Variants in PRMT8 observed in about 807,000 individuals in gnomAD.
PRMT8 encodes protein arginine N-methyltransferase 8.
PRMT8 carries 7 observed loss-of-function variants against 47.1 expected under a neutral mutation model. The observed-to-expected ratio is 0.15, with a 90% confidence interval of 0.08 to 0.28. The LOEUF (loss-of-function observed/expected upper bound fraction) is 0.28. Ranked by LOEUF, PRMT8 falls within the 10% of genes least tolerant of loss-of-function variation. PRMT8 has a pLI of 1.00. For missense variants in PRMT8, 237 were observed against 505.4 expected (o/e 0.47, Z 5.09); for synonymous variants, 188 against 186.5 (o/e 1.01, Z -0.07).
chr12:3,442,474 T>C (rs1158078195), intron 1 of PRMT8, among the ~76,000 whole-genome samples: 1 of 152,172 alleles, frequency 6.6e-6, no homozygotes, highest in Admixed American at 6.5e-5. Flanking sequence ...TCCTGATCTG[T>C]CACCCCATGT....
At position 3,557,266 on chromosome 12, in the gene PRMT8, G is replaced by A. The variant is rs1866543701; in HGVS notation, c.481+3552G>A. On this transcript the variant is annotated intron_variant, in intron 4 of 9. Coordinates refer to ENST00000382622, the MANE Select transcript of PRMT8 (RefSeq NM_019854.5). The surrounding 1 kb of genome is among the most constrained non-coding windows in gnomAD (Gnocchi z 4.7). ...CAGGAGCTCGAGTGCGATTGGAGTA[G>A]AAGGTTGCCGGGATCAGGGCTTTGC... Among the ~76,000 whole-genome samples, 1 of 152,186 alleles carries A rather than the reference G, an allele frequency of 6.6e-6. No individual in the cohort carries two copies. Among genetic ancestry groups the A allele is most frequent in the African/African-American group, 2.4e-5 (1 of 41,444 alleles).
At chr12:3,410,728 C>G (rs1316651985) in intron 1 of PRMT8, among the ~76,000 whole-genome samples, 3 of 152,076 alleles carry the variant, frequency 2.0e-5, no homozygotes, top group African/African-American at 7.2e-5. Flanking sequence ...AGGCTGGTCT[C>G]GAACTCCTGA....
rs926279117 is a variant in PRMT8 at position 3,514,001 on chromosome 12, C to T, written c.75+22301C>T. Among the ~76,000 whole-genome samples, 3 of 152,136 alleles carry T rather than the reference C, an allele frequency of 2.0e-5. No individual in the cohort carries two copies. Among genetic ancestry groups the T allele is most frequent in the African/African-American group, 7.2e-5 (3 of 41,418 alleles). On this transcript the variant is annotated intron_variant, in intron 1 of 9. Coordinates refer to ENST00000382622, the MANE Select transcript of PRMT8 (RefSeq NM_019854.5). This position sits in a 1 kb window ranked among gnomAD's most constrained non-coding sequence, Gnocchi z 5.9. ...ACATCTTGGAATCCTTCTTGAGCCC[C>T]CGGATACTGAAGGATCAGGCAGATC...
intron 2 of PRMT8, among the ~76,000 whole-genome samples, chr12:3,547,582 A>G (rs1045826490): frequency 6.6e-6 from 1 of 152,208 alleles, no homozygotes; most frequent in Non-Finnish European, 1.5e-5. Flanking sequence ...ATTCAAGACC[A>G]TCCTGGGCAA....
chr12:3,401,792 C>T (rs181892346), intron 1 of PRMT8, among the ~76,000 whole-genome samples: 1 of 152,254 alleles, frequency 6.6e-6, no homozygotes, highest in Admixed American at 6.5e-5. Context: ...TGGACCTCTT[C>T]AAGGAGAACT....
chr12:3,592,357 G>A lies in PRMT8; in HGVS notation c.1101+5G>A. 1 of 1,602,674 alleles carries A rather than the reference G, an allele frequency of 6.2e-7. No homozygotes were observed. The highest frequency in any genetic ancestry group is 8.5e-7 in the Non-Finnish European group (1 of 1,175,166). Reference sequence around the variant, plus strand: ...AAGCCAAATGCCAAAAATGTGGTAAGTGCCGAGGGACATAAGGACATAAGG... The same window carrying A: ...AAGCCAAATGCCAAAAATGTGGTAAATGCCGAGGGACATAAGGACATAAGG... On this transcript the variant is annotated splice_donor_5th_base_variant and intron_variant, in intron 9 of 9. Coordinates refer to ENST00000382622, the MANE Select transcript of PRMT8 (RefSeq NM_019854.5).
chr12:3,451,305 A>T (rs1864916800), intron 1 of PRMT8, among the ~76,000 whole-genome samples: 1 of 152,088 alleles, frequency 6.6e-6, no homozygotes, highest in African/African-American at 2.4e-5. Context: ...TAGCCCAGAA[A>T]GCGGGAGTGA....
In PRMT8 at chr12:3,399,750, A is replaced by G. The variant is rs555876791; in HGVS notation, c.48+18308A>G. Among the ~76,000 whole-genome samples the G allele has an allele frequency of 5.9e-5, 9 of 152,312 alleles. No homozygotes were observed. In the East Asian group the frequency reaches 1.4e-3, roughly 23 times the overall value. ...TACATGCAATTTTTATACTTTGGATATTAGTTTAAGTTGGACAACCAGTAG... is the reference window on the plus strand; with the variant it reads ...TACATGCAATTTTTATACTTTGGATGTTAGTTTAAGTTGGACAACCAGTAG... On this transcript the variant is annotated intron_variant, in intron 1 of 9. Coordinates refer to the PRMT8 transcript ENST00000452611.
intron 1 of PRMT8, among the ~76,000 whole-genome samples, chr12:3,433,663 G>A (rs1231317036): frequency 1.3e-5 from 2 of 152,118 alleles, no homozygotes; most frequent in Non-Finnish European, 1.5e-5. Context: ...CCAGGCTGGA[G>A]TGCAGTGGCG....
rs1865409435 is a variant in PRMT8 at position 3,491,832 on chromosome 12, C to CTCG, written c.75+133_75+134insCGT. On this transcript the variant is annotated intron_variant, in intron 1 of 9. Coordinates refer to ENST00000382622, the MANE Select transcript of PRMT8 (RefSeq NM_019854.5). The stretch of plus-strand genomic sequence containing the variant: ...CCCGCTCGCTTCTGCCGGCCTCCTC[C>CTCG]TGTGTGTGTGTGTGTGTGTGTGTGT... The CTCG allele has an allele frequency of 2.4e-5, 13 of 536,344 alleles. 2 individuals are homozygous for CTCG. Among genetic ancestry groups the CTCG allele is most frequent in the Non-Finnish European group, 3.1e-5 (12 of 381,328 alleles). 33.2% of individuals were successfully genotyped at this position (536,344 alleles called of 1,614,324 possible).
At chr12:3,471,755 T>C (rs111762588) in intron 1 of PRMT8, among the ~76,000 whole-genome samples, 12,478 of 151,972 alleles carry the variant, frequency 0.082, 557 homozygotes, top group Non-Finnish European at 0.1. Context: ...CCATGGCCCT[T>C]GTAAGTACCC....
At chr12:3,449,141 T>C (rs934198713) in intron 1 of PRMT8, among the ~76,000 whole-genome samples, 4 of 152,212 alleles carry the variant, frequency 2.6e-5, no homozygotes, top group African/African-American at 9.6e-5. Context: ...CTATCACTAG[T>C]GGGCATTTGT....
chr12:3,432,376 G>A (rs779033077), intron 1 of PRMT8, among the ~76,000 whole-genome samples: 8 of 152,204 alleles, frequency 5.3e-5, no homozygotes, highest in Non-Finnish European at 8.8e-5. Context: ...TAAGACACAC[G>A]CTCAAGGAAC....
intron 1 of PRMT8, among the ~76,000 whole-genome samples, chr12:3,467,340 A>G (rs1018003654): frequency 6.6e-6 from 1 of 151,322 alleles, no homozygotes; most frequent in Admixed American, 6.6e-5. Context: ...TGGCCTGGGG[A>G]AAAGCCACTT....
chr12:3,386,349 C>T (rs1224872220), intron 1 of PRMT8, among the ~76,000 whole-genome samples: 1 of 152,220 alleles, frequency 6.6e-6, no homozygotes, highest in Non-Finnish European at 1.5e-5. Flanking sequence ...ATTTCTTCCT[C>T]ATGATAGGAC....
chr12:3,469,138 G>A lies in PRMT8; in HGVS notation c.49-71468G>A, dbSNP rs79669637. 3.9e-3 allele frequency: 1,932 copies of A among 495,956 alleles called. 32 individuals are homozygous for A. The highest frequency in any genetic ancestry group is 0.034 in the African/African-American group (1,739 of 51,332). 30.7% of individuals were successfully genotyped at this position (495,956 alleles called of 1,614,324 possible). A position where few individuals can be genotyped will look rare whatever the true frequency, so the allele number is the denominator to read the frequency against. ...AAGCCAGAGTCTTCCATGCCTATGT[G>A]CTTCCCAAGCTGTAAGTGAAGCTAT... is the stretch of plus-strand genomic sequence containing the variant. On this transcript the variant is annotated intron_variant, in intron 1 of 9. Transcript: ENST00000452611.
intron 1 of PRMT8, among the ~76,000 whole-genome samples, chr12:3,507,278 C>T (rs543592592): frequency 1.7e-3 from 256 of 152,100 alleles, no homozygotes; most frequent in Non-Finnish European, 2.7e-3. Context: ...CCCGCCACTG[C>T]GCCCGGCTAA....
intron 6 of PRMT8, among the ~76,000 whole-genome samples, chr12:3,571,853 G>A (rs1866853314): frequency 1.3e-5 from 2 of 152,192 alleles, no homozygotes; most frequent in Non-Finnish European, 2.9e-5. Flanking sequence ...GTTACTATGA[G>A]TTCTAAATCA....
chr12:3,480,944 G>C (rs1234842975), intron 1 of PRMT8, among the ~76,000 whole-genome samples: 4 of 152,236 alleles, frequency 2.6e-5, no homozygotes, highest in African/African-American at 9.6e-5. Flanking sequence ...AGGAAAGGCT[G>C]TTCCTCTGAG....
Sources: allele counts gnomAD v4.1 joint callset (sites outside exome capture counted in the v4.1 genomes callset), GRCh38; gene constraint gnomAD v4.1.1; non-coding constraint Gnocchi (gnomAD v3.1); transcripts MANE v1.5; gene names NCBI Gene and HGNC (gene_info 2026-07-23, HGNC 2026-07-21).